IDE: variants seen among roughly 807,000 people sequenced by gnomAD.
IDE encodes the protein insulin degrading enzyme.
In IDE, 58 loss-of-function variants were observed where a neutral mutation model predicts 133.2. The ratio of observed to expected loss-of-function variants is 0.44; its 90% CI spans 0.35 to 0.54. IDE has a LOEUF of 0.54. Among genes scored for constraint, IDE ranks in the 20% least tolerant of loss-of-function variants. IDE has a pLI of 0.00. For synonymous variants in IDE, 396 were observed against 421.3 expected, an observed-to-expected ratio of 0.94 and a Z score of 0.73; for missense variants, 981 against 1,234.0, an observed-to-expected ratio of 0.79 and a Z score of 3.07.
Position 92,573,968 on chromosome 10 carries a change from G to A in IDE, c.52C>T (p.Arg18Cys). The A allele has an allele frequency of 1.3e-6, 2 of 1,488,612 alleles. No individual in the cohort carries two copies. The highest frequency in any genetic ancestry group is 2.9e-5 in the East Asian group (1 of 34,770). 92.2% of individuals were successfully genotyped at this position (1,488,612 alleles called of 1,614,324 possible). The change falls in exon 1 of 25, where the codon CGC (arginine) becomes TGC (cysteine). Residue 18 changes from arginine to cysteine, a missense_variant. This residue lies in a region of IDE where 321 missense variants were observed against 339.3 expected (regional missense o/e 0.95). Transcript: ENST00000265986. ...LLHPALPSTF[R>C]SVLGARLPPP... The stretch of plus-strand genomic sequence containing the variant: ...GGCAGGCGGGCGCCGAGGACTGAGC[G>A]GAAGGTGCTGGGCAGTGCGGGGTGC...
intron 1 of IDE, among the ~76,000 whole-genome samples, chr10:92,568,546 T>C (rs1017474199): frequency 3.3e-5 from 5 of 152,214 alleles, no homozygotes; most frequent in Non-Finnish European, 5.9e-5. Flanking sequence ...CCGGGCACGG[T>C]GGCCCACGCC....
chr10:92,483,602 T>C (rs1032719129), intron 13 of IDE, among the ~76,000 whole-genome samples: 2 of 152,130 alleles, frequency 1.3e-5, no homozygotes, highest in African/African-American at 4.8e-5. Flanking sequence ...AAGAGACAGA[T>C]CAGAGAAGCC....
At chr10:92,520,610 T>G (rs758232477) in intron 4 of IDE, among the ~76,000 whole-genome samples, 27 of 152,230 alleles carry the variant, frequency 1.8e-4, no homozygotes, top group Non-Finnish European at 2.1e-4. Flanking sequence ...AAGCCCTTTC[T>G]TCTTGCTATA....
chr10:92,508,053 T>TA (rs1351046374), intron 8 of IDE, 60 bp downstream of exon 8: 89 of 1,244,794 alleles, frequency 7.1e-5, no homozygotes, highest in Middle Eastern at 1.9e-4. Context: ...ATGAAGAAGT[T>TA]AAAAAACATC....
chr10:92,530,372 G>A (rs1478449396), intron 4 of IDE, among the ~76,000 whole-genome samples: 1 of 150,794 alleles, frequency 6.6e-6, no homozygotes, highest in African/African-American at 2.4e-5. Context: ...GTGGCTCACT[G>A]CAGTTGAACT....
At chr10:92,502,639 T>C (rs953218187) in intron 11 of IDE, among the ~76,000 whole-genome samples, 1 of 152,198 alleles carries the variant, frequency 6.6e-6, no homozygotes, top group African/African-American at 2.4e-5. Flanking sequence ...TATCTCGCCA[T>C]CCCCCACTAA....
intron 4 of IDE, among the ~76,000 whole-genome samples, chr10:92,530,298 G>C (rs1849853463): frequency 6.6e-6 from 1 of 150,636 alleles, no homozygotes; most frequent in African/African-American, 2.4e-5. Context: ...CAAAAAAAAA[G>C]TTGTTGTTTT....
At chr10:92,464,050 G>A (rs759243373) in intron 20 of IDE, 47 bp from the exon 21 acceptor site, 1 of 1,564,326 alleles carries the variant, frequency 6.4e-7, no homozygotes, top group African/African-American at 1.4e-5. Context: ...TTTGAGACCT[G>A]GGTCATTTTT....
chr10:92,535,506 A>T (rs1841951870), intron 2 of IDE, among the ~76,000 whole-genome samples: 1 of 152,230 alleles, frequency 6.6e-6, no homozygotes, highest in African/African-American at 2.4e-5. Flanking sequence ...TGAAACGGTA[A>T]GCACAATACT....
chr10:92,470,106 C>G, intron 18 of IDE, 148 bp downstream of exon 18: 1 of 506,662 alleles, frequency 2.0e-6, no homozygotes, highest in East Asian at 3.2e-5. Flanking sequence ...TCCCTGTGCC[C>G]TCTACCTTCC....
chr10:92,573,978 G>C lies in IDE; in HGVS notation c.42C>G (p.Pro14=). Residue 14 remains proline, a synonymous_variant, in exon 1 of 25, where the codon CCC becomes CCG. Coordinates refer to ENST00000265986, the MANE Select transcript of IDE (RefSeq NM_004969.4). The part of the protein sequence containing the change: ...RLAWLLHPAL[P]STFRSVLGAR... Reference sequence around the variant, plus strand: ...CGCCGAGGACTGAGCGGAAGGTGCTGGGCAGTGCGGGGTGCAGAAGCCACG... The same window carrying C: ...CGCCGAGGACTGAGCGGAAGGTGCTCGGCAGTGCGGGGTGCAGAAGCCACG... 6.6e-7 allele frequency: 1 copy of C among 1,507,508 alleles called. No individual in the cohort carries two copies. The highest frequency in any genetic ancestry group is 8.8e-7 in the Non-Finnish European group (1 of 1,130,590). The allele number at this position is 1,507,508 out of a possible 1,614,324, so 93.4% of individuals were successfully genotyped here.
chr10:92,503,606 G>C (rs1589435264), intron 11 of IDE, among the ~76,000 whole-genome samples: 1 of 152,068 alleles, frequency 6.6e-6, no homozygotes. Flanking sequence ...AAACAGTATA[G>C]TGCAAGTCAT....
rs142059111 is a variant in IDE at position 92,537,382 on chromosome 10, T to C, written c.267A>G (p.Ala89=). 1.9e-6 allele frequency: 3 copies of C among 1,604,370 alleles called. No individual in the cohort carries two copies. In the African/African-American group the frequency reaches 4.0e-5, roughly 22 times the overall value. The change falls in exon 2 of 25, where the codon GCA becomes GCG. Residue 89 remains alanine (A), a synonymous_variant. Transcript: ENST00000265986. ...SDPTTDKSSA[A]LDVHIGSLSD... is the part of the protein sequence containing the mutation. The stretch of plus-strand genomic sequence containing the variant: ...CAATTGTACCTATGTGCACATCAAG[T>C]GCTGCTGATGACTTATCCGTGGTGG...
At chr10:92,486,646 A>G (rs1453989308) in intron 13 of IDE, among the ~76,000 whole-genome samples, 1 of 152,222 alleles carries the variant, frequency 6.6e-6, no homozygotes, top group African/African-American at 2.4e-5. Flanking sequence ...ACTTTACTCA[A>G]GTTCTGAAAT....
intron 5 of IDE, among the ~76,000 whole-genome samples, chr10:92,513,672 TTA>T (rs1379346575): frequency 2.7e-5 from 4 of 149,854 alleles, no homozygotes; most frequent in Non-Finnish European, 4.4e-5. Flanking sequence ...TTAAAAATGT[TTA>T]GTTATATATG....
intron 13 of IDE, among the ~76,000 whole-genome samples, chr10:92,485,956 A>AG (rs767403365): frequency 2.6e-5 from 4 of 152,050 alleles, no homozygotes; most frequent in Admixed American, 6.6e-5. Context: ...TAAATAAATA[A>AG]ATAAGATAAG....
intron 1 of IDE, among the ~76,000 whole-genome samples, chr10:92,551,808 A>T (rs902519428): frequency 6.6e-6 from 1 of 152,036 alleles, no homozygotes; most frequent in African/African-American, 2.4e-5. Flanking sequence ...AACAACGTGG[A>T]TGTATTTACT....
intron 22 of IDE, among the ~76,000 whole-genome samples, chr10:92,459,546 T>G (rs1025608431): frequency 6.6e-6 from 1 of 152,130 alleles, no homozygotes; most frequent in African/African-American, 2.4e-5. Context: ...CAGAAATGGC[T>G]AGAACATTAA....
At chr10:92,564,671 CAAAAAAAAAAAAAAAAAAAAAAAAAAA>C (rs532861372) in intron 1 of IDE, among the ~76,000 whole-genome samples, 29 of 31,588 alleles carry the variant, frequency 9.2e-4, no homozygotes, top group South Asian at 2.0e-3. Context: ...GAGACTGTCT[CAAAAAAAAAAAAAAAAAAAAAAAAAAA>C]AAAAAAAAAA....
Sources: allele counts gnomAD v4.1 joint callset (sites outside exome capture counted in the v4.1 genomes callset), GRCh38; gene constraint gnomAD v4.1.1; regional missense constraint gnomAD v4.1.1; transcripts MANE v1.5; gene names NCBI Gene and HGNC (gene_info 2026-07-23, HGNC 2026-07-21).